Variants in ZSWIM7 observed in about 807,000 individuals in gnomAD.
ZSWIM7 encodes zinc finger SWIM domain-containing protein 7.
Under a neutral mutation model 21.1 loss-of-function variants are expected in ZSWIM7, and 22 were observed. The observed-to-expected ratio is 1.04, with a 90% CI of 0.74 to 1.49. ZSWIM7 has a LOEUF of 1.49. Ranked by LOEUF, ZSWIM7 falls within the 40% of genes most tolerant of loss-of-function variation. The pLI is 0.00. For synonymous variants in ZSWIM7, 67 were observed against 66.5 expected, an observed-to-expected ratio of 1.01 and a Z score of -0.04; for missense variants, 193 against 168.0, an observed-to-expected ratio of 1.15 and a Z score of -0.82.
In ZSWIM7 at chr17:15,989,126, A is replaced by C. The variant is rs545094804; in HGVS notation, c.99-1758T>G. Among the ~76,000 whole-genome samples, 5 of 152,326 alleles carry C rather than the reference A, an allele frequency of 3.3e-5. No individual in the cohort carries two copies. In the East Asian group the frequency reaches 9.6e-4, roughly 29 times the overall value. On this transcript the variant is annotated intron_variant, in intron 2 of 4. Coordinates refer to ENST00000399277, the MANE Select transcript of ZSWIM7 (RefSeq NM_001042697.2). ...TTTTTTATGTTGCCCATCTGAAGAT[A>C]ATAAATGTGTACTTTTTGGATTAGT...
chr17:15,990,206 C>T (rs1332429435), intron 2 of ZSWIM7, among the ~76,000 whole-genome samples: 8 of 124,310 alleles, frequency 6.4e-5, no homozygotes, highest in South Asian at 5.1e-4. Context: ...GGTGACAGAG[C>T]GAAACTCTGT....
rs200058537 is a variant in ZSWIM7 at position 15,987,298 on chromosome 17, T to C, written c.169A>G (p.Ile57Val). ...DLVDRQSITL[I>V]SSPSGRRVYQ... is the part of the protein sequence containing the mutation. ...ACACGCCTTCCACTGGGTGATGAGA[T>C]TAAGGTGATGGACTGTCGATCAACT... The change falls in exon 3 of 5, where the codon ATC becomes GTC. Residue 57 changes from isoleucine to valine, a missense_variant. Transcript: ENST00000399277. The C allele has an allele frequency of 1.7e-5, 27 of 1,613,568 alleles. No homozygotes were observed. The highest frequency in any genetic ancestry group is 3.3e-4 in the Middle Eastern group (2 of 6,084).
intron 3 of ZSWIM7, among the ~76,000 whole-genome samples, chr17:15,982,679 T>A (rs959708787): frequency 6.6e-6 from 1 of 152,156 alleles, no homozygotes; most frequent in East Asian, 1.9e-4. Flanking sequence ...GGAGACAGGA[T>A]GTTGTTCTGT....
intron 2 of ZSWIM7, 91 bp downstream of exon 2, chr17:15,993,666 A>G: frequency 9.4e-7 from 1 of 1,061,190 alleles, no homozygotes; most frequent in Non-Finnish European, 1.4e-6. Flanking sequence ...GCGCCCGGTC[A>G]AGAGTATTTT....
intron 2 of ZSWIM7, among the ~76,000 whole-genome samples, chr17:15,988,547 G>C (rs925555488): frequency 6.6e-6 from 1 of 152,048 alleles, no homozygotes; most frequent in African/African-American, 2.4e-5. Flanking sequence ...AGGAGTGGTG[G>C]CTCATGCCTG....
chr17:15,985,343 T>C (rs182165413), intron 3 of ZSWIM7, among the ~76,000 whole-genome samples: 6 of 151,568 alleles, frequency 4.0e-5, no homozygotes, highest in African/African-American at 1.5e-4. Flanking sequence ...AACTCAGGTG[T>C]CAGCAACATA....
In ZSWIM7 at chr17:15,999,474, C is replaced by A. The variant is rs1399635811; in HGVS notation, c.76+45G>T. 2.5e-6 allele frequency: 4 copies of A among 1,588,584 alleles called. No homozygotes were observed. In the South Asian group the frequency reaches 4.5e-5, roughly 18 times the overall value. ...CCCGGCCCGGCGGTGCCCGGATGCC[C>A]CGCCCGCGCCCATGGCGCAGCCACA... On this transcript the variant is annotated intron_variant, in intron 1 of 4. Coordinates refer to ENST00000399277, the MANE Select transcript of ZSWIM7 (RefSeq NM_001042697.2).
intron 4 of ZSWIM7, 40 bp from the exon 5 acceptor site, chr17:15,978,203 G>A (rs762213183): frequency 1.4e-6 from 2 of 1,444,348 alleles, no homozygotes; most frequent in South Asian, 1.1e-5. Flanking sequence ...AAACAGGCAG[G>A]GCCAGGGCTG....
At chr17:15,983,960 T>A (rs894467652) in intron 3 of ZSWIM7, among the ~76,000 whole-genome samples, 2 of 152,164 alleles carry the variant, frequency 1.3e-5, no homozygotes, top group African/African-American at 4.8e-5. Context: ...TTATCTCGTC[T>A]CTTCTCTCTA....
At chr17:15,980,746 A>T (rs892407699) in intron 4 of ZSWIM7, among the ~76,000 whole-genome samples, 1 of 152,138 alleles carries the variant, frequency 6.6e-6, no homozygotes, top group African/African-American at 2.4e-5. Flanking sequence ...TCATATTTTT[A>T]TGGGGCCATC....
chr17:15,981,128 C>T lies in ZSWIM7; in HGVS notation c.218G>A (p.Ser73Asn), dbSNP rs935505212. Reference protein sequence around the residue: ...RRVYQVLGSSSKTYTCLASCH... With the variant: ...RRVYQVLGSSNKTYTCLASCH... ...AGAAGCCAAACATGTGTATGTTTTA[C>T]TGGAACTTCCAAGGACCTACAAAGA... Residue 73 changes from serine to asparagine, a missense_variant, in exon 4 of 5, where the codon AGT becomes AAT. Ser to Asn is a conservative substitution (Grantham distance 46). Transcript: ENST00000399277. The T allele has an allele frequency of 6.2e-7, 1 of 1,613,646 alleles. No homozygotes were observed. The highest frequency in any genetic ancestry group is 8.5e-7 in the Non-Finnish European group (1 of 1,179,698).
intron 1 of ZSWIM7, among the ~76,000 whole-genome samples, chr17:15,998,108 A>C (rs1375180535): frequency 6.6e-6 from 1 of 152,004 alleles, no homozygotes; most frequent in Non-Finnish European, 1.5e-5. Context: ...TAAAAAAAAA[A>C]AACAAACCAA....
chr17:15,993,348 T>C (rs930905121), intron 2 of ZSWIM7, among the ~76,000 whole-genome samples: 1 of 142,358 alleles, frequency 7.0e-6, no homozygotes, highest in Non-Finnish European at 1.5e-5. Flanking sequence ...TTATTTTTTA[T>C]TTTATTTATT....
intron 2 of ZSWIM7, among the ~76,000 whole-genome samples, chr17:15,992,925 G>A (rs1970504187): frequency 6.6e-6 from 1 of 151,882 alleles, no homozygotes; most frequent in South Asian, 2.1e-4. Flanking sequence ...TACTTAGGCT[G>A]GAGTGCAATG....
intron 4 of ZSWIM7, chr17:15,980,272 T>C (rs138046824): frequency 1.3e-5 from 2 of 152,484 alleles, no homozygotes; most frequent in African/African-American, 4.8e-5. Context: ...TTGAATCTGA[T>C]GTCAGAGAAC....
intron 4 of ZSWIM7, among the ~76,000 whole-genome samples, chr17:15,979,880 C>A (rs113159377): frequency 0.047 from 1,572 of 33,310 alleles, 140 homozygotes; most frequent in African/African-American, 0.1. Context: ...GGGGGGCTGA[C>A]CCCCCCACCT....
At chr17:15,992,708 C>T (rs536600821) in intron 2 of ZSWIM7, among the ~76,000 whole-genome samples, 10 of 151,396 alleles carry the variant, frequency 6.6e-5, no homozygotes, top group African/African-American at 2.2e-4. Context: ...CAAAATGCTG[C>T]GATTACAGGC....
chr17:15,982,299 G>C (rs184869680), intron 3 of ZSWIM7, among the ~76,000 whole-genome samples: 168 of 152,268 alleles, frequency 1.1e-3, no homozygotes, highest in Non-Finnish European at 1.9e-4. Context: ...CATTCCTAGA[G>C]TTAACTTCCC....
intron 2 of ZSWIM7, among the ~76,000 whole-genome samples, chr17:15,989,481 T>G (rs1433109237): frequency 6.6e-6 from 1 of 151,810 alleles, no homozygotes; most frequent in Non-Finnish European, 1.5e-5. Context: ...CATGCCCAGG[T>G]AATTTTTGTA....
Sources: allele counts gnomAD v4.1 joint callset (sites outside exome capture counted in the v4.1 genomes callset), GRCh38; gene constraint gnomAD v4.1.1; transcripts MANE v1.5; gene names NCBI Gene and HGNC (gene_info 2026-07-23, HGNC 2026-07-21).